The following PDE7B variants were observed in gnomAD, a reference collection of about 807,000 sequenced individuals.
PDE7B encodes the protein phosphodiesterase 7B.
In PDE7B, 29 loss-of-function variants were observed where a neutral mutation model predicts 56.2. The observed-to-expected ratio is 0.52, with a 90% CI of 0.38 to 0.70. The LOEUF (loss-of-function observed/expected upper bound fraction) is 0.70. Among genes scored for constraint, PDE7B ranks in the 30% least tolerant of loss-of-function variants. PDE7B has a pLI of 0.00. For synonymous variants in PDE7B, 197 were observed against 196.9 expected (o/e 1.00, Z 0.00); for missense variants, 490 against 565.0 (o/e 0.87, Z 1.35).
intron 2 of PDE7B, among the ~76,000 whole-genome samples, chr6:136,005,613 T>A (rs375469226): frequency 2.6e-5 from 4 of 152,028 alleles, no homozygotes; most frequent in African/African-American, 9.7e-5. Flanking sequence ...AATGCTCACC[T>A]TCACTGGCCA....
intron 2 of PDE7B, among the ~76,000 whole-genome samples, chr6:136,101,779 C>G (rs926523550): frequency 6.6e-6 from 1 of 152,214 alleles, no homozygotes; most frequent in Admixed American, 6.5e-5. Flanking sequence ...TTCCTGTAGT[C>G]TAACCTGCAC....
chr6:136,187,210 C>T (rs528782321), intron 12 of PDE7B, 94 bp downstream of exon 12: 2 of 722,636 alleles, frequency 2.8e-6, no homozygotes, highest in Admixed American at 2.4e-5. Flanking sequence ...TTCAAAAGAT[C>T]AGCACTGGAG....
intron 2 of PDE7B, among the ~76,000 whole-genome samples, chr6:136,022,980 A>G (rs912852872): frequency 1.3e-5 from 2 of 152,006 alleles, no homozygotes; most frequent in Non-Finnish European, 2.9e-5. Context: ...GGAGAGAGAG[A>G]AACAGAAGGG....
intron 2 of PDE7B, among the ~76,000 whole-genome samples, chr6:136,001,362 C>T (rs962242425): frequency 6.6e-6 from 1 of 152,114 alleles, no homozygotes. Context: ...ATGACTTTGA[C>T]GAGTTGAGAG....
chr6:136,162,952 C>T (rs1289057518), intron 8 of PDE7B, among the ~76,000 whole-genome samples: 1 of 152,232 alleles, frequency 6.6e-6, no homozygotes. Context: ...TGTGGCCTTG[C>T]AGGGTACAAC....
chr6:135,896,552 T>A (rs1775905678), intron 1 of PDE7B, among the ~76,000 whole-genome samples: 1 of 152,120 alleles, frequency 6.6e-6, no homozygotes. Context: ...TGCTCATGTG[T>A]TAGGTGTTTT....
chr6:135,967,817 G>T (rs1775022197), intron 2 of PDE7B, among the ~76,000 whole-genome samples: 1 of 152,208 alleles, frequency 6.6e-6, no homozygotes, highest in Non-Finnish European at 1.5e-5. Context: ...GAGGTCATGG[G>T]CAAGAGCACA....
chr6:136,013,562 G>A (rs1214738358), intron 2 of PDE7B, among the ~76,000 whole-genome samples: 7 of 152,322 alleles, frequency 4.6e-5, no homozygotes, highest in Middle Eastern at 3.4e-3. Context: ...CACATGGGAG[G>A]CCGTTGAACT....
At chr6:135,919,992 T>TA (rs1333873014) in intron 1 of PDE7B, among the ~76,000 whole-genome samples, 48 of 152,194 alleles carry the variant, frequency 3.2e-4, no homozygotes, top group Admixed American at 6.5e-4. Context: ...CCTTATTTTA[T>TA]AAATAAGAAA....
intron 1 of PDE7B, among the ~76,000 whole-genome samples, chr6:135,868,732 C>A (rs1023663900): frequency 6.6e-6 from 1 of 152,200 alleles, no homozygotes; most frequent in Non-Finnish European, 1.5e-5. Flanking sequence ...CGCGCCCAGC[C>A]TTGGGGAGTA....
At chr6:136,136,062 A>C (rs780807566) in intron 3 of PDE7B, among the ~76,000 whole-genome samples, 1 of 152,108 alleles carries the variant, frequency 6.6e-6, no homozygotes, top group Non-Finnish European at 1.5e-5. Context: ...TATGCTTTCA[A>C]GAAAACTGTC....
intron 3 of PDE7B, among the ~76,000 whole-genome samples, chr6:136,125,280 T>C (rs1052650854): frequency 6.6e-5 from 10 of 152,154 alleles, no homozygotes; most frequent in African/African-American, 2.4e-4. Context: ...ATATAAGTTA[T>C]ATGTAAGTAA....
chr6:135,939,858 A>G (rs1443194043), intron 1 of PDE7B, among the ~76,000 whole-genome samples: 2 of 152,170 alleles, frequency 1.3e-5, no homozygotes, highest in African/African-American at 2.4e-5. Context: ...CTTTGGGGTA[A>G]CTTCTACCTC....
intron 1 of PDE7B, among the ~76,000 whole-genome samples, chr6:135,927,443 T>C (rs1251764187): frequency 6.6e-6 from 1 of 152,190 alleles, no homozygotes; most frequent in Non-Finnish European, 1.5e-5. Context: ...GGTAGTTTGA[T>C]AGGAATAGCA....
intron 1 of PDE7B, among the ~76,000 whole-genome samples, chr6:135,903,222 T>C (rs1258950339): frequency 1.3e-5 from 2 of 152,198 alleles, no homozygotes; most frequent in Non-Finnish European, 2.9e-5. Flanking sequence ...ACTCAACACC[T>C]CACATCTATT....
In PDE7B at chr6:136,146,387, A is replaced by G. The variant is rs111950938; in HGVS notation, c.167-964A>G. Among the ~76,000 whole-genome samples, 567 of 152,358 alleles carry G rather than the reference A, an allele frequency of 3.7e-3. 3 individuals are homozygous for G. The highest frequency in any genetic ancestry group is 0.013 in the African/African-American group (526 of 41,592). On this transcript the variant is annotated intron_variant, in intron 3 of 12. Coordinates refer to ENST00000308191, the MANE Select transcript of PDE7B (RefSeq NM_018945.4). ...ATTTCTGGACAATCACTGTGATGTC[A>G]ACACTCAAGTTTTGAAAGGCACATG...
At chr6:135,867,419 A>C (rs1300494605) in intron 1 of PDE7B, among the ~76,000 whole-genome samples, 1 of 152,108 alleles carries the variant, frequency 6.6e-6, no homozygotes, top group East Asian at 1.9e-4. Context: ...CGTAAGGTTT[A>C]AAAATTTTTT....
chr6:136,025,015 T>TG (rs1776128867), intron 2 of PDE7B, among the ~76,000 whole-genome samples: 1 of 152,200 alleles, frequency 6.6e-6, no homozygotes, highest in Non-Finnish European at 1.5e-5. Context: ...ACCATGTTAA[T>TG]GGGGGAAAAG....
chr6:136,162,215 G>A (rs1282902775), intron 8 of PDE7B: 2 of 152,204 alleles, frequency 1.3e-5, no homozygotes, highest in Non-Finnish European at 2.9e-5. Flanking sequence ...ATCTGAGACT[G>A]GGTAATTTAA....
Sources: allele counts gnomAD v4.1 joint callset (sites outside exome capture counted in the v4.1 genomes callset), GRCh38; gene constraint gnomAD v4.1.1; transcripts MANE v1.5; gene names NCBI Gene and HGNC (gene_info 2026-07-23, HGNC 2026-07-21).